CLNK: variants seen among roughly 807,000 people sequenced by gnomAD.
The protein encoded by CLNK is cytokine dependent hematopoietic cell linker, also known as cytokine-dependent hematopoietic cell linker.
Under a neutral mutation model 68.6 loss-of-function variants are expected in CLNK, and 74 were observed. That is an observed-to-expected ratio of 1.08 (90% CI 0.89 to 1.31). The LOEUF (loss-of-function observed/expected upper bound fraction) is 1.31. Among genes scored for constraint, CLNK ranks in the 50% most tolerant of loss-of-function variants. The pLI is 0.00. For synonymous variants in CLNK, 198 were observed against 172.2 expected (o/e 1.15, Z -1.17); for missense variants, 553 against 515.3 (o/e 1.07, Z -0.71).
At chr4:10,602,958 C>T (rs1394091691) in intron 2 of CLNK, among the ~76,000 whole-genome samples, 1 of 152,192 alleles carries the variant, frequency 6.6e-6, no homozygotes, top group East Asian at 1.9e-4. Flanking sequence ...AGAGTAAGTA[C>T]AAGAAGCCTA....
At chr4:10,526,812 T>C (rs1718341468) in intron 13 of CLNK, among the ~76,000 whole-genome samples, 1 of 152,232 alleles carries the variant, frequency 6.6e-6, no homozygotes, top group Admixed American at 6.5e-5. Context: ...TTCCTGCTTT[T>C]TATTTTCTTT....
At chr4:10,584,000 G>A (rs897777308) in intron 4 of CLNK, among the ~76,000 whole-genome samples, 4 of 152,200 alleles carry the variant, frequency 2.6e-5, no homozygotes, top group Admixed American at 6.5e-5. Context: ...GCAGGTAGGT[G>A]GAGAGGTGCA....
At chr4:10,697,826 T>C in the CLNK span, among the ~76,000 whole-genome samples, 2 of 152,202 alleles carry the variant, frequency 1.3e-5, no homozygotes, top group Non-Finnish European at 2.9e-5. Flanking sequence ...ATTCGAACAA[T>C]AGCCACCTTG....
chr4:10,578,579 C>CTTT lies in CLNK; in HGVS notation c.112+6345_112+6347dup, dbSNP rs5856062. ...TTCTCTTGGACTTGGCTTACCTTAT[C>CTTT]TTTTTTTTTTTTTTTTTTTTTTTTT... On this transcript the variant is annotated intron_variant, in intron 4 of 18. Transcript: ENST00000226951. Among the ~76,000 whole-genome samples, 181 of 44,840 alleles carry CTTT rather than the reference C, an allele frequency of 4.0e-3. 4 individuals are homozygous for CTTT. Among genetic ancestry groups the CTTT allele is most frequent in the Non-Finnish European group, 4.6e-3 (117 of 25,316 alleles). 29.4% of individuals were successfully genotyped at this position (44,840 alleles called of 152,430 possible).
At chr4:10,697,035 C>T in the CLNK span, 4 of 152,172 alleles carry the variant, frequency 2.6e-5, no homozygotes, top group South Asian at 6.2e-4. Context: ...TTTTTGGTGT[C>T]CTCTTTCTTG....
chr4:10,621,122 A>G (rs962922425), intron 2 of CLNK, among the ~76,000 whole-genome samples: 1 of 151,988 alleles, frequency 6.6e-6, no homozygotes, highest in Admixed American at 6.6e-5. Context: ...GAAACCAAAA[A>G]GCCCTACCTC....
At chr4:10,537,614 T>C (rs917100040) in intron 11 of CLNK, among the ~76,000 whole-genome samples, 4 of 147,708 alleles carry the variant, frequency 2.7e-5, no homozygotes, top group Non-Finnish European at 4.5e-5. Context: ...TCTCCCTTTC[T>C]CTCTCTCTTT....
the CLNK span, among the ~76,000 whole-genome samples, chr4:10,723,870 T>C: frequency 2.0e-5 from 1 of 49,798 alleles, no homozygotes; most frequent in Non-Finnish European, 4.9e-5. Flanking sequence ...GGTCTGAGAA[T>C]AACACAGGAG....
Position 10,608,308 on chromosome 4 carries a change from G to A in CLNK, c.12-10259C>T, listed in dbSNP as rs545613066. Among the ~76,000 whole-genome samples, 26 of 152,322 alleles carry A rather than the reference G, an allele frequency of 1.7e-4. No homozygotes were observed. In the South Asian group the frequency reaches 4.6e-3, roughly 27 times the overall value. ...AATACAGCAACTTGAGATGCAGATT[G>A]CTCATGCAGTCTCCTCGGCCTGCTA... On this transcript the variant is annotated intron_variant, in intron 2 of 18. Coordinates refer to ENST00000226951, the MANE Select transcript of CLNK (RefSeq NM_052964.4).
chr4:10,687,944 G>T (rs1241835003), upstream of CLNK, among the ~76,000 whole-genome samples: 2 of 152,158 alleles, frequency 1.3e-5, no homozygotes, highest in African/African-American at 4.8e-5. Flanking sequence ...AGAAGTTTGG[G>T]TTTTGCCAAC....
rs61797528 is a variant in CLNK, at chr4:10,527,756, G to A, written c.649+320C>T. On this transcript the variant is annotated intron_variant, in intron 13 of 18. Coordinates refer to ENST00000226951, the MANE Select transcript of CLNK (RefSeq NM_052964.4). Reference sequence around the variant, plus strand: ...GACATCAGAGGCAGAGATCCCAAGAGCTTTTTTGGAGCAGGGGACTAGTTA... The same window carrying A: ...GACATCAGAGGCAGAGATCCCAAGAACTTTTTTGGAGCAGGGGACTAGTTA... Among the ~76,000 whole-genome samples, 854 of 152,292 alleles carry A rather than the reference G, an allele frequency of 5.6e-3. 5 individuals are homozygous for A. The highest frequency in any genetic ancestry group is 9.7e-3 in the Non-Finnish European group (663 of 68,022).
At chr4:10,513,948 G>T (rs1435862301) in intron 15 of CLNK, among the ~76,000 whole-genome samples, 2 of 140,946 alleles carry the variant, frequency 1.4e-5, no homozygotes, top group African/African-American at 5.2e-5. Flanking sequence ...ATGCTGGTGC[G>T]CTGCACCCAC....
At chr4:10,520,520 G>GTCT (rs1718014701) in intron 15 of CLNK, among the ~76,000 whole-genome samples, 1 of 152,138 alleles carries the variant, frequency 6.6e-6, no homozygotes, top group Admixed American at 6.5e-5. Flanking sequence ...TCTTATGAAG[G>GTCT]GAAATGATCA....
intron 10 of CLNK, among the ~76,000 whole-genome samples, chr4:10,541,211 CA>C (rs762227935): frequency 0.12 from 5,527 of 47,550 alleles, 338 homozygotes; most frequent in East Asian, 0.22. Flanking sequence ...CAGACTGTCT[CA>C]AAAAAAAAAC....
At chr4:10,665,658 G>A (rs1400142212) in intron 2 of CLNK, among the ~76,000 whole-genome samples, 2 of 104,302 alleles carry the variant, frequency 1.9e-5, no homozygotes, top group East Asian at 2.5e-4. Context: ...GCAAGACTTC[G>A]TCTCAAAAAA....
chr4:10,703,997 C>T, the CLNK span, among the ~76,000 whole-genome samples: 1,218 of 152,190 alleles, frequency 8.0e-3, 16 homozygotes, highest in Non-Finnish European at 0.01. Flanking sequence ...TCAGTAAGTG[C>T]TATGAAGAAA....
intron 2 of CLNK, among the ~76,000 whole-genome samples, chr4:10,608,734 A>G (rs1198760999): frequency 6.6e-6 from 1 of 152,252 alleles, no homozygotes; most frequent in African/African-American, 2.4e-5. Flanking sequence ...TGGGGATTGC[A>G]TTAGGCCTTG....
intron 2 of CLNK, chr4:10,598,590 AT>A (rs1721470803): frequency 1.1e-5 from 4 of 361,572 alleles, no homozygotes; most frequent in South Asian, 8.3e-5. Flanking sequence ...AGTAATATTT[AT>A]TGAGCTCCCA....
intron 1 of CLNK, among the ~76,000 whole-genome samples, chr4:10,678,180 C>A (rs1466906668): frequency 1.3e-5 from 2 of 152,178 alleles, no homozygotes; most frequent in East Asian, 3.8e-4. Context: ...ACAAATCTTT[C>A]AACCCAGGTA....
Sources: gnomAD v4.1 joint callset for allele counts (sites outside exome capture counted in the v4.1 genomes callset) on GRCh38, gnomAD v4.1.1 for gene constraint, MANE v1.5 for transcripts, NCBI Gene and HGNC (gene_info 2026-07-23, HGNC 2026-07-21) for gene names.